CDH8: variants seen among roughly 807,000 people sequenced by gnomAD.
The protein encoded by CDH8 is cadherin 8.
CDH8 carries 17 observed loss-of-function variants against 68.1 expected under a neutral mutation model. That is an observed-to-expected ratio of 0.25 (90% CI 0.17 to 0.37). The LOEUF is 0.37. CDH8 is among the 10% of genes least tolerant of loss of function. The pLI is 1.00. For missense variants in CDH8, 763 were observed against 999.3 expected (o/e 0.76, Z 3.19); for synonymous variants, 372 against 365.1 (o/e 1.02, Z -0.21).
chr16:62,010,734 T>A (rs1330250929), intron 2 of CDH8, among the ~76,000 whole-genome samples: 1 of 152,118 alleles, frequency 6.6e-6, no homozygotes, highest in Non-Finnish European at 1.5e-5. Context: ...AGGTTGGCAG[T>A]TCGAGACCAG....
chr16:61,852,155 T>C (rs1210811295), intron 4 of CDH8, among the ~76,000 whole-genome samples: 1 of 152,128 alleles, frequency 6.6e-6, no homozygotes, highest in African/African-American at 2.4e-5. Flanking sequence ...GTTCTTGTTC[T>C]GTTCTTTTTA....
At chr16:61,961,937 C>T (rs895291513) in intron 2 of CDH8, among the ~76,000 whole-genome samples, 2 of 152,176 alleles carry the variant, frequency 1.3e-5, no homozygotes, top group African/African-American at 4.8e-5. Context: ...AAAAACTTAA[C>T]TAATAGCCTT....
Position 61,820,998 on chromosome 16 carries a change from A to G in CDH8, c.951T>C (p.Asp317=). The change falls in exon 6 of 12, where the codon GAT becomes GAC. Residue 317 remains aspartate, a synonymous_variant. Transcript: ENST00000577390. ...ENAQSSYDII[D]GDGTALFEIT... is the part of the protein sequence containing the mutation. ...TTTCAAAAAGTGCTGTTCCATCTCC[A>G]TCGATGATATCATATGATGACTGTG... 3 of 1,613,020 alleles carry G rather than the reference A, an allele frequency of 1.9e-6. No homozygotes were observed. The highest frequency in any genetic ancestry group is 2.5e-6 in the Non-Finnish European group (3 of 1,179,302).
chr16:61,677,667 C>T (rs1963940060), intron 10 of CDH8, among the ~76,000 whole-genome samples: 1 of 152,004 alleles, frequency 6.6e-6, no homozygotes, highest in African/African-American at 2.4e-5. Flanking sequence ...TATCTATTTT[C>T]CTTCTAATAC....
chr16:61,777,716 G>A (rs78470675), intron 8 of CDH8, among the ~76,000 whole-genome samples: 3,790 of 152,174 alleles, frequency 0.025, 149 homozygotes, highest in African/African-American at 0.086. Flanking sequence ...TGCTACCTAC[G>A]TTGCAGGGGT....
rs1271273092 is a variant in CDH8 at position 61,787,202 on chromosome 16, G to T, written c.1414+2144C>A. ...TCGCAACCTACTCATCTGACAAAGGGCTAATATCCGGAATCTACAATGAAC... is the reference window on the plus strand; with the variant it reads ...TCGCAACCTACTCATCTGACAAAGGTCTAATATCCGGAATCTACAATGAAC... On this transcript the variant is annotated intron_variant, in intron 8 of 11. Coordinates refer to ENST00000577390, the MANE Select transcript of CDH8 (RefSeq NM_001796.5). Among the ~76,000 whole-genome samples, 5 of 151,610 alleles carry T rather than the reference G, an allele frequency of 3.3e-5. No individual in the cohort carries two copies. The South Asian group carries it at 6.2e-4, about 19-fold the overall frequency.
chr16:61,673,776 G>A (rs1221848917), intron 10 of CDH8, among the ~76,000 whole-genome samples: 1 of 152,118 alleles, frequency 6.6e-6, no homozygotes, highest in Non-Finnish European at 1.5e-5. Flanking sequence ...AGCCCAAACA[G>A]AGGATGACAG....
At chr16:61,852,821 C>A (rs1962963106) in intron 4 of CDH8, among the ~76,000 whole-genome samples, 1 of 151,800 alleles carries the variant, frequency 6.6e-6, no homozygotes, top group Non-Finnish European at 1.5e-5. Flanking sequence ...TCCCTCCCGG[C>A]CTTCCCTTCC....
rs1567403381 is a variant in CDH8 at position 61,653,177 on chromosome 16, G to GA, written c.*430dup. On this transcript the variant is annotated 3_prime_UTR_variant, in exon 12 of 12. Coordinates refer to ENST00000577390, the MANE Select transcript of CDH8 (RefSeq NM_001796.5). ...TGGCGGGATCCTTATTGGTGAAGGG[G>GA]AAAAAACCATTTGCATTCATAAAAA... 1 of 1,223,938 alleles carries GA rather than the reference G, an allele frequency of 8.2e-7. No homozygotes were observed. The highest frequency in any genetic ancestry group is 1.0e-6 in the Non-Finnish European group (1 of 983,910). The allele number at this position is 1,223,938 out of a possible 1,614,324, so 75.8% of individuals were successfully genotyped here.
intron 2 of CDH8, among the ~76,000 whole-genome samples, chr16:62,020,260 G>A (rs907329550): frequency 6.6e-6 from 1 of 152,122 alleles, no homozygotes; most frequent in African/African-American, 2.4e-5. Flanking sequence ...CACTTCTAAA[G>A]CTTATCAAGA....
At chr16:61,897,510 G>C (rs1963888822) in intron 3 of CDH8, among the ~76,000 whole-genome samples, 1 of 152,276 alleles carries the variant, frequency 6.6e-6, no homozygotes, top group South Asian at 2.1e-4. Context: ...TGGACTTGAT[G>C]TTTGCAGATA....
intron 10 of CDH8, chr16:61,710,886 C>A (rs1964618755): frequency 6.6e-6 from 1 of 151,850 alleles, no homozygotes; most frequent in Admixed American, 6.6e-5. Context: ...TAGCTATTTT[C>A]CATTTCCATG....
In CDH8 at chr16:61,971,222, C is replaced by T. The variant is rs1007763041; in HGVS notation, c.252+49930G>A. 1.1e-3 allele frequency among the ~76,000 whole-genome samples: 167 copies of T among 152,152 alleles called. 2 individuals are homozygous for T. The highest frequency in any genetic ancestry group is 1.0e-3 in the Non-Finnish European group (68 of 68,044). Reference sequence around the variant, plus strand: ...ACCTGCACCCAGGTGAAATAAACAGCTTTATTGCTCACACAAAGCCTGTTT... The same window carrying T: ...ACCTGCACCCAGGTGAAATAAACAGTTTTATTGCTCACACAAAGCCTGTTT... On this transcript the variant is annotated intron_variant, in intron 2 of 11. Transcript: ENST00000577390.
intron 9 of CDH8, chr16:61,726,526 G>C (rs1193149189): frequency 7.9e-6 from 1 of 127,014 alleles, no homozygotes; most frequent in African/African-American, 3.0e-5. Context: ...TTTTTTTTCT[G>C]TTTTCATTGA....
intron 1 of CDH8, among the ~76,000 whole-genome samples, chr16:62,025,170 G>T (rs780997230): frequency 4.6e-5 from 7 of 152,134 alleles, no homozygotes; most frequent in Non-Finnish European, 1.0e-4. Flanking sequence ...GAACATTTCA[G>T]TCAACCAATG....
Position 61,827,332 on chromosome 16 carries a change from A to T in CDH8, c.668-2153T>A, listed in dbSNP as rs540511839. On this transcript the variant is annotated intron_variant, in intron 4 of 11. Transcript: ENST00000577390. ...TGGAATTTGACATGGAGCTTCTAAC[A>T]ATCAGAGCAAAATAATGTTGTTCTC... Among the ~76,000 whole-genome samples the T allele has an allele frequency of 8.9e-4, 135 of 152,016 alleles. 2 individuals carry two copies. In the South Asian group the frequency reaches 0.027, roughly 30 times the overall value.
chr16:61,848,316 C>A (rs1041853447), intron 4 of CDH8, among the ~76,000 whole-genome samples: 1 of 152,048 alleles, frequency 6.6e-6, no homozygotes, highest in African/African-American at 2.4e-5. Context: ...AGTTCATAGT[C>A]TTTCTATCCA....
At chr16:61,724,991 A>G (rs1183065942) in intron 9 of CDH8, among the ~76,000 whole-genome samples, 12 of 150,888 alleles carry the variant, frequency 8.0e-5, no homozygotes, top group Non-Finnish European at 1.8e-4. Context: ...AGTTGTTTCA[A>G]CAACAGCATG....
intron 7 of CDH8, among the ~76,000 whole-genome samples, chr16:61,813,331 C>T (rs1412534671): frequency 6.6e-6 from 1 of 152,164 alleles, no homozygotes; most frequent in Admixed American, 6.6e-5. Context: ...AGTGCACACC[C>T]CAGTTCCACT....
Sources: gnomAD v4.1 joint callset for allele counts (sites outside exome capture counted in the v4.1 genomes callset) on GRCh38, gnomAD v4.1.1 for gene constraint, MANE v1.5 for transcripts, NCBI Gene and HGNC (gene_info 2026-07-23, HGNC 2026-07-21) for gene names.